Variants in SKAP2 observed in about 807,000 individuals in gnomAD.
SKAP2 encodes the protein src kinase-associated phosphoprotein 2.
SKAP2 carries 28 observed loss-of-function variants against 54.9 expected under a neutral mutation model. That is an observed-to-expected ratio of 0.51 (90% CI 0.38 to 0.70). The LOEUF (loss-of-function observed/expected upper bound fraction) is 0.70, where lower values mean the gene tolerates loss of function less well. Among genes scored for constraint, SKAP2 ranks in the 30% least tolerant of loss-of-function variants. SKAP2 has a pLI of 0.00. For synonymous variants in SKAP2, 137 were observed against 134.3 expected, an observed-to-expected ratio of 1.02 and a Z score of -0.14; for missense variants, 356 against 424.1, an observed-to-expected ratio of 0.84 and a Z score of 1.41.
At chr7:26,724,462 G>C (rs912618258) in intron 9 of SKAP2, among the ~76,000 whole-genome samples, 7 of 151,942 alleles carry the variant, frequency 4.6e-5, no homozygotes, top group African/African-American at 1.4e-4. Flanking sequence ...CCATACTCTT[G>C]GTATTATGCT....
chr7:26,856,994 A>G (rs1156477065), intron 1 of SKAP2, among the ~76,000 whole-genome samples: 1 of 151,524 alleles, frequency 6.6e-6, no homozygotes, highest in Admixed American at 6.6e-5. Flanking sequence ...AAAGGCTGCA[A>G]TAAACACTCT....
chr7:26,680,884 C>T (rs1786476633), intron 11 of SKAP2, among the ~76,000 whole-genome samples: 1 of 151,900 alleles, frequency 6.6e-6, no homozygotes, highest in South Asian at 2.1e-4. Flanking sequence ...ACAGTATCTG[C>T]CTACTCTTCT....
intron 4 of SKAP2, among the ~76,000 whole-genome samples, chr7:26,783,673 T>C (rs1783472774): frequency 6.6e-6 from 1 of 152,004 alleles, no homozygotes; most frequent in Non-Finnish European, 1.5e-5. Flanking sequence ...ACTGTTAGCA[T>C]CTCTTCCCAC....
intron 4 of SKAP2, among the ~76,000 whole-genome samples, chr7:26,791,211 A>G (rs1032666051): frequency 2.0e-5 from 3 of 152,188 alleles, no homozygotes; most frequent in African/African-American, 7.2e-5. Flanking sequence ...TTTCTGTAAT[A>G]CCAAAAGTGA....
Position 26,669,596 on chromosome 7 carries a change from G to A in SKAP2, c.*70C>T, listed in dbSNP as rs1228806434. 1.3e-5 allele frequency: 2 copies of A among 152,148 alleles called. No homozygotes were observed. Among genetic ancestry groups the A allele is most frequent in the African/African-American group, 4.8e-5 (2 of 41,390 alleles). The allele number at this position is 152,148 out of a possible 1,614,324, so 9.4% of individuals were successfully genotyped here. On this transcript the variant is annotated 3_prime_UTR_variant, in exon 13 of 13. Coordinates refer to ENST00000345317, the MANE Select transcript of SKAP2 (RefSeq NM_003930.5). ...AAGGAGAGGTTAGGAGCTGTCACTCGTGCTTTCATGACGCTTCTAAATCCA... is the reference window on the plus strand; with the variant it reads ...AAGGAGAGGTTAGGAGCTGTCACTCATGCTTTCATGACGCTTCTAAATCCA...
At chr7:26,709,014 T>C (rs1417932330) in intron 9 of SKAP2, among the ~76,000 whole-genome samples, 1 of 152,190 alleles carries the variant, frequency 6.6e-6, no homozygotes, top group Non-Finnish European at 1.5e-5. Context: ...CAGAATACTT[T>C]TAAATTAATG....
intron 4 of SKAP2, among the ~76,000 whole-genome samples, chr7:26,807,153 CT>C (rs1357859547): frequency 6.6e-6 from 1 of 152,210 alleles, no homozygotes; most frequent in Non-Finnish European, 1.5e-5. Flanking sequence ...AGTAAAGACA[CT>C]GTGAACATTG....
At chr7:26,720,179 T>C (rs756694563) in intron 9 of SKAP2, among the ~76,000 whole-genome samples, 8 of 152,168 alleles carry the variant, frequency 5.3e-5, no homozygotes, top group Non-Finnish European at 1.2e-4. Context: ...GAACCACTGA[T>C]GTAGCTCCAA....
At position 26,725,991 on chromosome 7, in the gene SKAP2, T is replaced by C. The variant is rs372540519; in HGVS notation, c.595-5A>G. The C allele has an allele frequency of 2.1e-5, 33 of 1,602,222 alleles. No homozygotes were observed. The highest frequency in any genetic ancestry group is 2.4e-5 in the Non-Finnish European group (28 of 1,171,414). ...TTTGGGAGAAGCTGCTGTAAACTAA[T>C]ATAAAACAAACAGTAAGAACGAAAA... On this transcript the variant is annotated splice_polypyrimidine_tract_variant and splice_region_variant and intron_variant, in intron 7 of 12. Coordinates refer to ENST00000345317, the MANE Select transcript of SKAP2 (RefSeq NM_003930.5).
chr7:26,842,540 CA>C (rs1252725167), intron 4 of SKAP2, among the ~76,000 whole-genome samples: 3 of 151,722 alleles, frequency 2.0e-5, no homozygotes, highest in Non-Finnish European at 3.0e-5. Flanking sequence ...CCCTGTATAT[CA>C]AAATGTTTAT....
chr7:26,851,937 ACCC>A (rs887779487), intron 3 of SKAP2, among the ~76,000 whole-genome samples: 7 of 151,914 alleles, frequency 4.6e-5, no homozygotes, highest in African/African-American at 7.2e-5. Context: ...GGTCCTTTTT[ACCC>A]CCCCAATAGT....
intron 4 of SKAP2, among the ~76,000 whole-genome samples, chr7:26,828,544 G>C (rs984240188): frequency 6.6e-6 from 1 of 151,686 alleles, no homozygotes; most frequent in Non-Finnish European, 1.5e-5. Context: ...GGGCGTGGTG[G>C]TGGGCGCCTG....
chr7:26,687,211 C>G (rs183546889), intron 10 of SKAP2, among the ~76,000 whole-genome samples: 32 of 150,284 alleles, frequency 2.1e-4, no homozygotes, highest in Non-Finnish European at 3.3e-4. Flanking sequence ...TACAGGAGCA[C>G]ATGAGGGGAA....
At chr7:26,780,357 T>C (rs1245975154) in intron 4 of SKAP2, among the ~76,000 whole-genome samples, 2 of 152,118 alleles carry the variant, frequency 1.3e-5, no homozygotes, top group Non-Finnish European at 1.5e-5. Context: ...GAAGCATTCA[T>C]TTGGTTTTGA....
chr7:26,770,940 A>G (rs1584380179), intron 4 of SKAP2, among the ~76,000 whole-genome samples: 2 of 152,008 alleles, frequency 1.3e-5, no homozygotes, highest in South Asian at 2.1e-4. Context: ...ACTTTTATAC[A>G]TGTCTGAGAA....
downstream of SKAP2, among the ~76,000 whole-genome samples, chr7:26,662,570 A>G (rs1341881101): frequency 6.6e-6 from 1 of 152,182 alleles, no homozygotes; most frequent in East Asian, 1.9e-4. Context: ...CTATGTTTGA[A>G]ATACCCCTTG....
intron 6 of SKAP2, among the ~76,000 whole-genome samples, chr7:26,733,346 C>A (rs1015696470): frequency 6.6e-6 from 1 of 151,498 alleles, no homozygotes; most frequent in African/African-American, 2.4e-5. Context: ...TAATATATAT[C>A]ATCTTGATAT....
In SKAP2 at chr7:26,684,169, T is replaced by C. The variant is rs890387960; in HGVS notation, c.987+567A>G. ...ATATACACACACACATATACATATATATATATGAAGATGGGTTTATAGAAT... is the reference window on the plus strand; with the variant it reads ...ATATACACACACACATATACATATACATATATGAAGATGGGTTTATAGAAT... On this transcript the variant is annotated intron_variant, in intron 11 of 12. Transcript: ENST00000345317. 7.9e-4 allele frequency among the ~76,000 whole-genome samples: 120 copies of C among 152,234 alleles called. 7 individuals carry two copies. The highest frequency in any genetic ancestry group is 7.4e-5 in the Non-Finnish European group (5 of 67,990).
chr7:26,757,159 A>C (rs1462384082), intron 4 of SKAP2, among the ~76,000 whole-genome samples: 1 of 152,154 alleles, frequency 6.6e-6, no homozygotes, highest in Non-Finnish European at 1.5e-5. Context: ...TTTGCTGTGC[A>C]GAAGCTCTTG....
Sources: allele counts gnomAD v4.1 joint callset (sites outside exome capture counted in the v4.1 genomes callset), GRCh38; gene constraint gnomAD v4.1.1; transcripts MANE v1.5; gene names NCBI Gene and HGNC (gene_info 2026-07-23, HGNC 2026-07-21).